PDS5A: variants seen among roughly 807,000 people sequenced by gnomAD.
PDS5A encodes sister chromatid cohesion protein PDS5 homolog A.
Under a neutral mutation model 167.1 loss-of-function variants are expected in PDS5A, and 42 were observed. The ratio of observed to expected loss-of-function variants is 0.25; its 90% CI spans 0.20 to 0.33. The LOEUF (loss-of-function observed/expected upper bound fraction) is 0.33, where lower values mean the gene tolerates loss of function less well. PDS5A is among the 10% of genes least tolerant of loss of function. The pLI is 1.00. For synonymous variants in PDS5A, 553 were observed against 554.6 expected (o/e 1.00, Z 0.04); for missense variants, 1,033 against 1,605.9 (o/e 0.64, Z 6.10).
At chr4:39,963,021 TA>T (rs879644713) in intron 2 of PDS5A, among the ~76,000 whole-genome samples, 402 of 144,122 alleles carry the variant, frequency 2.8e-3, no homozygotes, top group Middle Eastern at 3.6e-3. Flanking sequence ...TTACCACAAT[TA>T]AAAAAAAAAA....
chr4:39,899,584 C>A (rs1452337696), intron 14 of PDS5A, among the ~76,000 whole-genome samples: 1 of 152,082 alleles, frequency 6.6e-6, no homozygotes, highest in Non-Finnish European at 1.5e-5. Flanking sequence ...CAGTATCTCA[C>A]ACCTGTAATC....
At chr4:39,842,080 A>C (rs760546437) in intron 30 of PDS5A, 24 bp from the exon 31 acceptor site, 7 of 1,392,578 alleles carry the variant, frequency 5.0e-6, no homozygotes, top group Non-Finnish European at 6.1e-6. Flanking sequence ...ATAAACCAAG[A>C]CTTCATATTT....
intron 5 of PDS5A, among the ~76,000 whole-genome samples, chr4:39,923,652 C>CACACAA (rs1560487433): frequency 1.2e-5 from 1 of 80,102 alleles, no homozygotes; most frequent in Non-Finnish European, 3.3e-5. Context: ...CACACACACA[C>CACACAA]ACACACACAC....
At chr4:39,883,711 C>T (rs993554053) in intron 17 of PDS5A, among the ~76,000 whole-genome samples, 1 of 152,130 alleles carries the variant, frequency 6.6e-6, no homozygotes, top group African/African-American at 2.4e-5. Context: ...TCTCAGCTCA[C>T]TGCAATCTCT....
chr4:39,925,571 C>G (rs1179902083), intron 5 of PDS5A, among the ~76,000 whole-genome samples: 1 of 152,126 alleles, frequency 6.6e-6, no homozygotes. Context: ...CCACTTTATA[C>G]TTCTCTACTG....
At chr4:39,916,312 A>G (rs560368728) in intron 8 of PDS5A, among the ~76,000 whole-genome samples, 1 of 152,318 alleles carries the variant, frequency 6.6e-6, no homozygotes, top group Non-Finnish European at 1.5e-5. Flanking sequence ...TTACTTGCTC[A>G]GTTGTCTATA....
At chr4:39,879,303 C>A (rs1015927508) in intron 18 of PDS5A, among the ~76,000 whole-genome samples, 2 of 152,110 alleles carry the variant, frequency 1.3e-5, no homozygotes, top group Middle Eastern at 3.2e-3. Flanking sequence ...TGTCTCCCAT[C>A]ATTCCCCAAA....
At chr4:39,828,923 A>T (rs1318790037) in intron 32 of PDS5A, among the ~76,000 whole-genome samples, 2 of 152,146 alleles carry the variant, frequency 1.3e-5, no homozygotes, top group African/African-American at 2.4e-5. Context: ...AAGACTGATA[A>T]ATTGGGCACC....
chr4:39,847,973 A>T (rs187157296), intron 28 of PDS5A: 1 of 152,342 alleles, frequency 6.6e-6, no homozygotes, highest in East Asian at 1.9e-4. Context: ...GCAGCATGAG[A>T]TTCTCACAGA....
rs1295984364 is a variant in PDS5A, at chr4:39,837,757, C to T, written c.4010+99G>A. The T allele has an allele frequency of 2.4e-5, 20 of 819,802 alleles. No individual in the cohort carries two copies. In the East Asian group the frequency reaches 4.7e-4, roughly 19 times the overall value. The allele number at this position is 819,802 out of a possible 1,614,324, so 50.8% of individuals were successfully genotyped here. Reference sequence around the variant, plus strand: ...AGGAAAACCAGATGCAGGTTTCTCTCTCAAATGCTTAGGTGTTTGGGGTGA... The same window carrying T: ...AGGAAAACCAGATGCAGGTTTCTCTTTCAAATGCTTAGGTGTTTGGGGTGA... On this transcript the variant is annotated intron_variant, in intron 32 of 32. Transcript: ENST00000303538.
rs1343275609 is a variant in PDS5A at position 39,920,300 on chromosome 4, CAT to C, written c.735+17_735+18del. 9 of 1,071,320 alleles carry C rather than the reference CAT, an allele frequency of 8.4e-6. No homozygotes were observed. Among genetic ancestry groups the C allele is most frequent in the African/African-American group, 3.2e-5 (2 of 62,834 alleles). The allele number at this position is 1,071,320 out of a possible 1,614,324, so 66.4% of individuals were successfully genotyped here. The stretch of plus-strand genomic sequence containing the variant: ...TAAGAATTACAAAATATAGAATAAA[CAT>C]AGAAAGAAATACATACATTAGCAAT... On this transcript the variant is annotated intron_variant, in intron 7 of 32. Transcript: ENST00000303538.
At chr4:39,946,728 A>G (rs1442357509) in intron 2 of PDS5A, among the ~76,000 whole-genome samples, 2 of 152,078 alleles carry the variant, frequency 1.3e-5, no homozygotes, top group South Asian at 2.1e-4. Flanking sequence ...CAGCCTGGGC[A>G]ATATGGTGAA....
At chr4:39,844,890 T>A (rs755807511) in intron 29 of PDS5A, 89 bp from the exon 30 acceptor site, 1 of 1,337,944 alleles carries the variant, frequency 7.5e-7, no homozygotes, top group Admixed American at 2.8e-5. Context: ...GTAAGAGATA[T>A]TGTTAAGTGC....
intron 2 of PDS5A, among the ~76,000 whole-genome samples, chr4:39,952,058 G>C (rs777324373): frequency 6.6e-6 from 1 of 152,130 alleles, no homozygotes; most frequent in Non-Finnish European, 1.5e-5. Flanking sequence ...GTCCAGGCAC[G>C]GTGGCTCATG....
rs58069502 is a variant in PDS5A, at chr4:39,929,519, CTATATATATATATATA to C, written c.139-1371_139-1356del. On this transcript the variant is annotated intron_variant, in intron 2 of 32. Transcript: ENST00000303538. Reference sequence around the variant, plus strand: ...GCCTTGTGAGTTAATACTTAATAAACTATATATATATATATATATATATATATATATATATATCCCA... The same window carrying C: ...GCCTTGTGAGTTAATACTTAATAAACTATATATATATATATATATATCCCA... Among the ~76,000 whole-genome samples, 139 of 79,404 alleles carry C rather than the reference CTATATATATATATATA, an allele frequency of 1.8e-3. 5 individuals are homozygous for C. The highest frequency in any genetic ancestry group is 6.6e-3 in the African/African-American group (76 of 11,430). 52.1% of individuals were successfully genotyped at this position (79,404 alleles called of 152,430 possible). A position where few individuals can be genotyped will look rare whatever the true frequency, so the allele number is the denominator to read the frequency against.
chr4:39,888,903 T>C (rs1250107405), intron 17 of PDS5A, among the ~76,000 whole-genome samples: 1 of 152,214 alleles, frequency 6.6e-6, no homozygotes, highest in Non-Finnish European at 1.5e-5. Flanking sequence ...TGAATGTTTC[T>C]AGCATAAAGA....
At chr4:39,970,997 C>G (rs1247264472) in intron 2 of PDS5A, among the ~76,000 whole-genome samples, 1 of 151,478 alleles carries the variant, frequency 6.6e-6, no homozygotes. Flanking sequence ...ATCTCAAATT[C>G]CTGGGCTCAA....
intron 2 of PDS5A, among the ~76,000 whole-genome samples, chr4:39,929,457 C>T (rs1312173732): frequency 6.7e-6 from 1 of 148,358 alleles, no homozygotes; most frequent in Non-Finnish European, 1.5e-5. Context: ...CGGACTGGCT[C>T]TCCTTCCTTC....
intron 30 of PDS5A, among the ~76,000 whole-genome samples, chr4:39,842,909 T>TTATATATATATATATATATATATATG (rs1717172984): frequency 1.9e-4 from 18 of 92,310 alleles, no homozygotes; most frequent in African/African-American, 9.3e-4. Context: ...TATCCTATTT[T>TTATATATATATATATATATATATATG]TATATATATA....
Sources: allele counts gnomAD v4.1 joint callset (sites outside exome capture counted in the v4.1 genomes callset), GRCh38; gene constraint gnomAD v4.1.1; transcripts MANE v1.5; gene names NCBI Gene and HGNC (gene_info 2026-07-23, HGNC 2026-07-21).